ADAMTSL3: variants seen among roughly 807,000 people sequenced by gnomAD.
ADAMTSL3 encodes the protein ADAMTS like 3.
A neutral mutation model predicts 201.7 loss-of-function variants in ADAMTSL3; 128 were observed. That is an observed-to-expected ratio of 0.63 (90% CI 0.55 to 0.73). The LOEUF is 0.73. ADAMTSL3 is among the 30% of genes least tolerant of loss of function. The pLI, the probability that ADAMTSL3 is intolerant of heterozygous loss-of-function variation, is 0.00. For missense variants in ADAMTSL3, 1,990 were observed against 2,119.6 expected (o/e 0.94, Z 1.20); for synonymous variants, 738 against 748.4 (o/e 0.99, Z 0.23).
chr15:83,719,570 A>G (rs770829127), intron 3 of ADAMTSL3, among the ~76,000 whole-genome samples: 2 of 152,234 alleles, frequency 1.3e-5, no homozygotes, highest in Non-Finnish European at 2.9e-5. Flanking sequence ...ATGAATACAC[A>G]TAAAAATATT....
rs571239507 is a variant in ADAMTSL3 at position 83,988,623 on chromosome 15, C to A, written c.3717-68C>A. On this transcript the variant is annotated intron_variant, in intron 21 of 29. Coordinates refer to ENST00000286744, the MANE Select transcript of ADAMTSL3 (RefSeq NM_207517.3). ...GTAATGGTGCAGTCTTCTTTCTCTG[C>A]AACTCACTGTAGCCCTAGGTCAGTT... 7.3e-6 allele frequency: 10 copies of A among 1,366,172 alleles called. No homozygotes were observed. In the East Asian group the frequency reaches 1.3e-4, roughly 18 times the overall value. The allele number at this position is 1,366,172 out of a possible 1,614,324, so 84.6% of individuals were successfully genotyped here.
chr15:83,704,310 G>A, intron 2 of ADAMTSL3, 79 bp from the exon 3 acceptor site: 1 of 1,593,874 alleles, frequency 6.3e-7, no homozygotes, highest in Non-Finnish European at 8.6e-7. Context: ...GGATTCTCCT[G>A]GAATGGCCTT....
intron 1 of ADAMTSL3, 63 bp from the exon 2 acceptor site, chr15:83,655,666 A>G: frequency 8.0e-7 from 1 of 1,252,976 alleles, no homozygotes; most frequent in Admixed American, 2.0e-5. Flanking sequence ...GGGTCGCTTA[A>G]GTCACGGTTT....
chr15:84,029,725 C>T (rs1296568345), intron 27 of ADAMTSL3, among the ~76,000 whole-genome samples: 1 of 152,228 alleles, frequency 6.6e-6, no homozygotes, highest in Non-Finnish European at 1.5e-5. Flanking sequence ...CAATGGGGAA[C>T]ATGTCTCCAG....
At chr15:83,964,239 G>A (rs1289502352) in intron 19 of ADAMTSL3, among the ~76,000 whole-genome samples, 1 of 152,196 alleles carries the variant, frequency 6.6e-6, no homozygotes. Context: ...AGTTAAAGGA[G>A]CATGTTCTAA....
At chr15:83,658,960 C>T (rs978784349) in intron 2 of ADAMTSL3, among the ~76,000 whole-genome samples, 1 of 152,140 alleles carries the variant, frequency 6.6e-6, no homozygotes, top group African/African-American at 2.4e-5. Flanking sequence ...TGGCCAAGTG[C>T]CTTTAGAAAC....
chr15:83,983,629 A>G (rs1300763307), intron 21 of ADAMTSL3, among the ~76,000 whole-genome samples: 2 of 152,230 alleles, frequency 1.3e-5, no homozygotes, highest in African/African-American at 4.8e-5. Context: ...AGCACTTGGC[A>G]TTTAAAAATA....
chr15:84,002,744 C>A (rs778308733), intron 23 of ADAMTSL3, among the ~76,000 whole-genome samples: 2 of 151,954 alleles, frequency 1.3e-5, no homozygotes, highest in African/African-American at 4.8e-5. Context: ...TTTTATGAAT[C>A]GGACTTTCTT....
intron 15 of ADAMTSL3, among the ~76,000 whole-genome samples, chr15:83,900,465 G>T (rs2065702259): frequency 1.3e-5 from 2 of 152,204 alleles, no homozygotes; most frequent in Admixed American, 1.3e-4. Flanking sequence ...TCTAGTCCAG[G>T]AATCTGTAAG....
At chr15:83,890,858 C>G (rs1567217650) in intron 11 of ADAMTSL3, 1 of 154,394 alleles carries the variant, frequency 6.5e-6, no homozygotes, top group South Asian at 2.0e-4. Flanking sequence ...GAAAAGGAAG[C>G]GTTCTCAGTG....
chr15:83,676,533 C>T (rs534334579), intron 2 of ADAMTSL3, among the ~76,000 whole-genome samples: 10 of 152,208 alleles, frequency 6.6e-5, no homozygotes, highest in African/African-American at 2.4e-4. Context: ...AAAAAATTAG[C>T]CGGGCTTGGT....
intron 23 of ADAMTSL3, among the ~76,000 whole-genome samples, chr15:84,010,089 T>G (rs2067980678): frequency 6.6e-6 from 1 of 152,262 alleles, no homozygotes; most frequent in Non-Finnish European, 1.5e-5. Flanking sequence ...AGTCTATGAA[T>G]TGCTTTTAGA....
At chr15:83,907,114 AAAGAG>A (rs993820239) in intron 15 of ADAMTSL3, among the ~76,000 whole-genome samples, 1 of 131,924 alleles carries the variant, frequency 7.6e-6, no homozygotes, top group Non-Finnish European at 1.6e-5. Flanking sequence ...AAAAAAAAAA[AAAGAG>A]AGAGTCTATT....
chr15:83,700,074 A>C (rs191624930), intron 2 of ADAMTSL3, among the ~76,000 whole-genome samples: 240 of 152,380 alleles, frequency 1.6e-3, no homozygotes, highest in Non-Finnish European at 2.5e-3. Context: ...CGCACTGAGA[A>C]CTGTGCCAGG....
intron 15 of ADAMTSL3, among the ~76,000 whole-genome samples, chr15:83,907,285 T>G (rs1701649246): frequency 6.6e-6 from 1 of 152,202 alleles, no homozygotes; most frequent in Admixed American, 6.5e-5. Flanking sequence ...TACTATAATT[T>G]CATTTTTTTA....
chr15:84,002,939 T>TC (rs1555470545), intron 23 of ADAMTSL3, among the ~76,000 whole-genome samples: 6 of 116,592 alleles, frequency 5.1e-5, no homozygotes, highest in East Asian at 3.3e-4. Context: ...TTCTTTTCTT[T>TC]TTTTTTTTTT....
At chr15:83,731,486 A>C (rs1356969412) in intron 3 of ADAMTSL3, among the ~76,000 whole-genome samples, 1 of 152,098 alleles carries the variant, frequency 6.6e-6, no homozygotes, top group African/African-American at 2.4e-5. Flanking sequence ...CTATTTTAGA[A>C]AACAGTATGG....
chr15:84,035,514 C>T (rs756484083), intron 28 of ADAMTSL3, among the ~76,000 whole-genome samples: 3 of 152,134 alleles, frequency 2.0e-5, no homozygotes, highest in Non-Finnish European at 4.4e-5. Flanking sequence ...GGACACCCAC[C>T]TCTTCCATAT....
intron 9 of ADAMTSL3, among the ~76,000 whole-genome samples, chr15:83,879,059 G>A (rs916288674): frequency 1.4e-4 from 22 of 152,054 alleles, no homozygotes; most frequent in African/African-American, 5.3e-4. Context: ...ACTTTTCATA[G>A]CATTCTCTTA....
Sources: allele counts gnomAD v4.1 joint callset (sites outside exome capture counted in the v4.1 genomes callset), GRCh38; gene constraint gnomAD v4.1.1; transcripts MANE v1.5; gene names NCBI Gene and HGNC (gene_info 2026-07-23, HGNC 2026-07-21).